The following DHX8 variants were observed in gnomAD, a reference collection of about 807,000 sequenced individuals.
The protein encoded by DHX8 is ATP-dependent RNA helicase DHX8.
Under a neutral mutation model 140.7 loss-of-function variants are expected in DHX8, and 67 were observed. The ratio of observed to expected loss-of-function variants is 0.48; its 90% CI spans 0.39 to 0.58. DHX8 has a LOEUF of 0.58. DHX8 is among the 20% of genes least tolerant of loss of function. DHX8 has a pLI of 0.00. For missense variants in DHX8, 887 were observed against 1,550.7 expected (o/e 0.57, Z 7.19); for synonymous variants, 533 against 553.2 (o/e 0.96, Z 0.51).
intron 9 of DHX8, among the ~76,000 whole-genome samples, chr17:43,496,788 AG>A (rs1805229986): frequency 6.6e-6 from 1 of 151,910 alleles, no homozygotes; most frequent in Non-Finnish European, 1.5e-5. Context: ...AAAAAAAAAA[AG>A]CTTTCAGGAT....
intron 2 of DHX8, among the ~76,000 whole-genome samples, chr17:43,534,185 C>CTAGTGTA (rs1342814619): frequency 6.6e-6 from 1 of 152,152 alleles, no homozygotes; most frequent in Admixed American, 6.5e-5. Context: ...ATACATCAGA[C>CTAGTGTA]TAGTGTCTGA....
downstream of DHX8, chr17:43,528,436 G>C (rs1361977304): frequency 4.1e-6 from 4 of 971,788 alleles, no homozygotes; most frequent in Non-Finnish European, 6.1e-6. Context: ...GTGGGTTTCA[G>C]ATGAAGGTTT....
rs537363951 is a variant in DHX8 at position 43,524,047 on chromosome 17, C to T, written c.*200C>T. On this transcript the variant is annotated 3_prime_UTR_variant, in exon 23 of 23. Coordinates refer to ENST00000262415, the MANE Select transcript of DHX8 (RefSeq NM_004941.3). Reference sequence around the variant, plus strand: ...TGGCTTTGGCAAGAGCCTGCAGCCTCCATCACCCCAAGTCCTTGGGCCCAG... The same window carrying T: ...TGGCTTTGGCAAGAGCCTGCAGCCTTCATCACCCCAAGTCCTTGGGCCCAG... The T allele has an allele frequency of 1.8e-5, 26 of 1,418,818 alleles. No homozygotes were observed. 87.9% of individuals were successfully genotyped at this position (1,418,818 alleles called of 1,614,324 possible).
intron 20 of DHX8, 110 bp from the exon 21 acceptor site, chr17:43,521,254 TGCCTA>T (rs1400261895): frequency 2.4e-6 from 2 of 847,634 alleles, no homozygotes; most frequent in Non-Finnish European, 3.6e-6. Context: ...TGAGCCATCA[TGCCTA>T]GCCTGATGTG....
chr17:43,537,404 A>AG (rs1188170337), intron 3 of DHX8, among the ~76,000 whole-genome samples: 2 of 150,818 alleles, frequency 1.3e-5, no homozygotes, highest in African/African-American at 2.4e-5. Flanking sequence ...AAAATCACAT[A>AG]GGGGGGTGGC....
At chr17:43,526,662 C>G, downstream of DHX8, 1 of 1,527,606 alleles carries the variant, frequency 6.5e-7, no homozygotes, top group Non-Finnish European at 8.8e-7. Flanking sequence ...TCCCTGGATG[C>G]TGCTTCTCAG....
rs750212053 is a variant in DHX8, at chr17:43,493,775, T to A, written c.1101T>A (p.Pro367=). 2 of 1,614,234 alleles carry A rather than the reference T, an allele frequency of 1.2e-6. No homozygotes were observed. The highest frequency in any genetic ancestry group is 2.2e-5 in the South Asian group (2 of 91,088). Residue 367 remains proline, a synonymous_variant, in exon 8 of 23, where the codon CCT becomes CCA. Coordinates refer to ENST00000262415, the MANE Select transcript of DHX8 (RefSeq NM_004941.3). ...ATGAGGAGACCTCAATGCGGAATCC[T>A]GATAGACCCACTCACTTGTCCCTTG... ...ETNEETSMRN[P]DRPTHLSLVS... is the part of the protein sequence containing the mutation.
At position 43,483,981 on chromosome 17, in the gene DHX8, G is replaced by C; in HGVS notation, c.-57G>C. 2 of 1,593,412 alleles carry C rather than the reference G, an allele frequency of 1.3e-6. No homozygotes were observed. The highest frequency in any genetic ancestry group is 1.7e-6 in the Non-Finnish European group (2 of 1,169,640). On this transcript the variant is annotated 5_prime_UTR_variant, in exon 1 of 23. Transcript: ENST00000262415. ...ACCCGGAAGTGAAAGCTGGAACCCG[G>C]CCGGAGTAGCTCTGAGCGCCGGCTG...
In DHX8 at chr17:43,521,518, G is replaced by A; in HGVS notation, c.3216G>A (p.Leu1072=). ...AGAACTTTATCCAGGCTCGTTCCCT[G>A]CGCCGGGCCCAGGACATTCGCAAGC... ...CYENFIQARS[L]RRAQDIRKQM... is the part of the protein sequence containing the mutation. Residue 1072 remains leucine (L), a synonymous_variant, in exon 21 of 23, where the codon CTG becomes CTA. Transcript: ENST00000262415. 1 of 1,613,830 alleles carries A rather than the reference G, an allele frequency of 6.2e-7. No individual in the cohort carries two copies. The highest frequency in any genetic ancestry group is 8.5e-7 in the Non-Finnish European group (1 of 1,179,966).
At chr17:43,507,343 C>A (rs2154586648) in intron 13 of DHX8, 146 bp downstream of exon 13, 1 of 1,118,008 alleles carries the variant, frequency 8.9e-7, no homozygotes, top group East Asian at 2.5e-5. Context: ...TCAGTCTGTT[C>A]AGAGTATAGT....
rs1178688071 is a variant in DHX8, at chr17:43,492,307, T to A, written c.503+15T>A. The A allele has an allele frequency of 3.7e-6, 6 of 1,603,378 alleles. No individual in the cohort carries two copies. In the South Asian group the frequency reaches 6.6e-5, roughly 18 times the overall value. ...GCTGAACACCGGTTTGTCCTTAGTG[T>A]CCTGTCCTTTGGAAGTTTAGGGTAC... On this transcript the variant is annotated intron_variant, in intron 5 of 22. Coordinates refer to ENST00000262415, the MANE Select transcript of DHX8 (RefSeq NM_004941.3).
chr17:43,534,761 G>C (rs188745224), intron 2 of DHX8, among the ~76,000 whole-genome samples: 1 of 152,104 alleles, frequency 6.6e-6, no homozygotes, highest in East Asian at 1.9e-4. Context: ...CCAACATAGA[G>C]AAACCCCATC....
At chr17:43,511,456 ATTTTTTTT>A (rs71160045) in intron 16 of DHX8, among the ~76,000 whole-genome samples, 1 of 56,790 alleles carries the variant, frequency 1.8e-5, no homozygotes, top group East Asian at 7.1e-4. Flanking sequence ...TGATCCCAGC[ATTTTTTTT>A]TTTTTTTTTT....
chr17:43,521,434 C>T lies in DHX8; in HGVS notation c.3132C>T (p.Thr1044=), dbSNP rs767293865. The change falls in exon 21 of 23, where the codon ACC becomes ACT. Residue 1044 remains threonine (T), a synonymous_variant. Transcript: ENST00000262415. ...KFHQTEGDHL[T]LLAVYNSWKN... is the part of the protein sequence containing the mutation. Reference sequence around the variant, plus strand: ...ACCAGACTGAAGGGGACCACCTCACCCTGCTAGCTGTGTACAACTCCTGGA... The same window carrying T: ...ACCAGACTGAAGGGGACCACCTCACTCTGCTAGCTGTGTACAACTCCTGGA... 8 of 1,613,852 alleles carry T rather than the reference C, an allele frequency of 5.0e-6. No homozygotes were observed. In the East Asian group the frequency reaches 1.3e-4, roughly 27 times the overall value.
intron 16 of DHX8, among the ~76,000 whole-genome samples, chr17:43,510,263 G>C (rs2154586695): frequency 6.6e-6 from 1 of 152,110 alleles, no homozygotes; most frequent in African/African-American, 2.4e-5. Flanking sequence ...GGTCAGGCTG[G>C]TCTCGAACTC....
downstream of DHX8, chr17:43,530,485 A>C: frequency 4.0e-6 from 5 of 1,263,650 alleles, no homozygotes; most frequent in Non-Finnish European, 5.1e-6. Flanking sequence ...CTGCGAGTTC[A>C]GGGGGAGGAG....
downstream of DHX8, chr17:43,526,529 T>C: frequency 6.5e-7 from 1 of 1,535,714 alleles, no homozygotes; most frequent in Non-Finnish European, 8.7e-7. Context: ...TTGCTGTAGC[T>C]GTCTCATTGG....
At chr17:43,513,838 C>T (rs142896555) in intron 17 of DHX8, among the ~76,000 whole-genome samples, 30 of 151,410 alleles carry the variant, frequency 2.0e-4, no homozygotes, top group Middle Eastern at 3.4e-3. Context: ...CTTAGCCTCC[C>T]AAGTAGCTGG....
chr17:43,541,435 G>A (rs1006561484), intron 3 of DHX8, among the ~76,000 whole-genome samples: 6 of 152,154 alleles, frequency 3.9e-5, no homozygotes, highest in Admixed American at 2.6e-4. Flanking sequence ...TCTGTCTGGG[G>A]ACGAGGCAGA....
Sources: gnomAD v4.1 joint callset for allele counts (sites outside exome capture counted in the v4.1 genomes callset) on GRCh38, gnomAD v4.1.1 for gene constraint, MANE v1.5 for transcripts, NCBI Gene and HGNC (gene_info 2026-07-23, HGNC 2026-07-21) for gene names.